Variants in INTS9 observed in about 807,000 individuals in gnomAD.
INTS9 encodes integrator complex subunit 9.
Under a neutral mutation model 79.7 loss-of-function variants are expected in INTS9, and 55 were observed. The ratio of observed to expected loss-of-function variants is 0.69; its 90% confidence interval spans 0.56 to 0.86. INTS9 has a LOEUF of 0.86. Ranked by LOEUF, INTS9 falls within the 40% of genes least tolerant of loss-of-function variation. The probability of loss-of-function intolerance (pLI) is 0.00; values close to 1 mark genes in which losing one functional copy is unlikely to be tolerated. For synonymous variants in INTS9, 319 were observed against 325.2 expected, an observed-to-expected ratio of 0.98 and a Z score of 0.20; for missense variants, 721 against 831.5, an observed-to-expected ratio of 0.87 and a Z score of 1.64.
chr8:28,821,009 C>A (rs1805797630), intron 6 of INTS9, among the ~76,000 whole-genome samples: 1 of 152,076 alleles, frequency 6.6e-6, no homozygotes, highest in African/African-American at 2.4e-5. Flanking sequence ...TACTAACAAC[C>A]AAAATGGGAT....
intron 11 of INTS9, among the ~76,000 whole-genome samples, chr8:28,784,397 TATA>T (rs1408814787): frequency 2.6e-5 from 4 of 152,226 alleles, no homozygotes; most frequent in African/African-American, 9.6e-5. Flanking sequence ...CTGACATTTT[TATA>T]ATATTTCTAG....
At chr8:28,789,912 C>T (rs889868169) in intron 10 of INTS9, among the ~76,000 whole-genome samples, 14 of 152,094 alleles carry the variant, frequency 9.2e-5, no homozygotes, top group African/African-American at 3.1e-4. Flanking sequence ...ACACTCCAAA[C>T]CCCAACACTC....
intron 1 of INTS9, among the ~76,000 whole-genome samples, chr8:28,874,287 C>T (rs2131348436): frequency 6.6e-6 from 1 of 150,992 alleles, no homozygotes; most frequent in Non-Finnish European, 1.5e-5. Context: ...CATATTTAAA[C>T]TGTTTTTTTT....
intron 10 of INTS9, among the ~76,000 whole-genome samples, chr8:28,793,392 A>G (rs746449527): frequency 6.6e-6 from 1 of 152,258 alleles, no homozygotes; most frequent in African/African-American, 2.4e-5. Flanking sequence ...TTTGTCAAAT[A>G]TCATACTATT....
At chr8:28,850,768 G>T (rs1211760877) in intron 2 of INTS9, among the ~76,000 whole-genome samples, 1 of 152,160 alleles carries the variant, frequency 6.6e-6, no homozygotes, top group Non-Finnish European at 1.5e-5. Flanking sequence ...CACGCTTTGG[G>T]TTCACAGCTT....
At chr8:28,839,179 T>C (rs1009621957) in intron 4 of INTS9, among the ~76,000 whole-genome samples, 1 of 152,026 alleles carries the variant, frequency 6.6e-6, no homozygotes, top group African/African-American at 2.4e-5. Flanking sequence ...ATGAGTGAAC[T>C]CCCATTCACA....
chr8:28,832,256 G>C (rs1806536439), intron 6 of INTS9, among the ~76,000 whole-genome samples: 1 of 152,104 alleles, frequency 6.6e-6, no homozygotes, highest in East Asian at 1.9e-4. Context: ...AAGGGAGCTG[G>C]GAACAAGAAT....
At chr8:28,774,681 G>A (rs1351310955) in intron 14 of INTS9, among the ~76,000 whole-genome samples, 1 of 152,170 alleles carries the variant, frequency 6.6e-6, no homozygotes, top group Non-Finnish European at 1.5e-5. Context: ...GGCCATTTCT[G>A]AACCTCAGAC....
chr8:28,889,806 T>A, intron 1 of INTS9, 68 bp downstream of exon 1: 1 of 1,588,584 alleles, frequency 6.3e-7, no homozygotes, highest in Non-Finnish European at 8.6e-7. Context: ...CTGCCCAACG[T>A]AGGAAAAAAA....
chr8:28,834,403 A>G (rs1276583092), intron 6 of INTS9, among the ~76,000 whole-genome samples: 1 of 152,170 alleles, frequency 6.6e-6, no homozygotes, highest in African/African-American at 2.4e-5. Flanking sequence ...ACATATGAGA[A>G]TCTTCATTCT....
intron 6 of INTS9, among the ~76,000 whole-genome samples, chr8:28,820,798 C>A (rs1289911731): frequency 1.3e-5 from 2 of 151,994 alleles, no homozygotes; most frequent in Non-Finnish European, 2.9e-5. Flanking sequence ...ATGCATGGGC[C>A]AGTAGTGAGC....
chr8:28,838,105 C>A (rs764514202), intron 4 of INTS9, among the ~76,000 whole-genome samples: 5 of 151,918 alleles, frequency 3.3e-5, no homozygotes, highest in Non-Finnish European at 7.4e-5. Context: ...AACCAGGAAA[C>A]TGCAAGCAGA....
chr8:28,889,859 G>C lies in INTS9; in HGVS notation c.9+15C>G. The C allele has an allele frequency of 6.2e-7, 1 of 1,613,892 alleles. No homozygotes were observed. Among genetic ancestry groups the C allele is most frequent in the South Asian group, 1.1e-5 (1 of 91,044 alleles). ...AGCATCACCTTTGCCCTCTGACCTA[G>C]GAGCGAAGACTCACCAGTTTCATAA... On this transcript the variant is annotated intron_variant, in intron 1 of 16. Coordinates refer to ENST00000521022, the MANE Select transcript of INTS9 (RefSeq NM_018250.4).
chr8:28,841,828 G>GT (rs1281668355), intron 4 of INTS9, among the ~76,000 whole-genome samples: 6 of 152,218 alleles, frequency 3.9e-5, no homozygotes, highest in Admixed American at 6.5e-5. Flanking sequence ...GCTCATGCCT[G>GT]TAATCCTAGC....
At chr8:28,887,306 G>A (rs1296773702) in intron 1 of INTS9, among the ~76,000 whole-genome samples, 2 of 152,172 alleles carry the variant, frequency 1.3e-5, no homozygotes, top group African/African-American at 4.8e-5. Context: ...AACAACTTCC[G>A]GATGCAGAGG....
At chr8:28,880,215 T>C (rs1809629246) in intron 1 of INTS9, among the ~76,000 whole-genome samples, 1 of 151,258 alleles carries the variant, frequency 6.6e-6, no homozygotes, top group Admixed American at 6.6e-5. Context: ...CATAGAAAAA[T>C]GTAGACATAG....
At chr8:28,797,946 A>G (rs898705208) in intron 8 of INTS9, among the ~76,000 whole-genome samples, 1 of 152,170 alleles carries the variant, frequency 6.6e-6, no homozygotes, top group African/African-American at 2.4e-5. Context: ...TTCACCTTCT[A>G]TTATATATAA....
intron 6 of INTS9, among the ~76,000 whole-genome samples, chr8:28,827,587 G>A (rs1040043425): frequency 2.0e-5 from 3 of 152,160 alleles, no homozygotes; most frequent in African/African-American, 2.4e-5. Context: ...GGTAGACTGG[G>A]CATGTTGGCA....
At chr8:28,814,161 A>T (rs566552544) in intron 6 of INTS9, among the ~76,000 whole-genome samples, 2 of 152,056 alleles carry the variant, frequency 1.3e-5, no homozygotes, top group Non-Finnish European at 2.9e-5. Flanking sequence ...CAAAAGAATC[A>T]GGAGACCTGA....
Sources: allele counts gnomAD v4.1 joint callset (sites outside exome capture counted in the v4.1 genomes callset), GRCh38; gene constraint gnomAD v4.1.1; transcripts MANE v1.5; gene names NCBI Gene and HGNC (gene_info 2026-07-23, HGNC 2026-07-21).